AGAP3: variants seen among roughly 807,000 people sequenced by gnomAD.
The protein encoded by AGAP3 is arf-GAP with GTPase, ANK repeat and PH domain-containing protein 3.
Under a neutral mutation model 96.9 loss-of-function variants are expected in AGAP3, and 24 were observed. The ratio of observed to expected loss-of-function variants is 0.25; its 90% CI spans 0.18 to 0.35. The LOEUF (loss-of-function observed/expected upper bound fraction) is 0.35, where lower values mean the gene tolerates loss of function less well. AGAP3 is among the 10% of genes least tolerant of loss of function. The pLI is 1.00. For synonymous variants in AGAP3, 563 were observed against 536.1 expected, an observed-to-expected ratio of 1.05 and a Z score of -0.69; for missense variants, 876 against 1,254.2, an observed-to-expected ratio of 0.70 and a Z score of 4.55.
intron 10 of AGAP3, among the ~76,000 whole-genome samples, chr7:151,129,286 G>A (rs1054993026): frequency 2.0e-5 from 3 of 152,012 alleles, no homozygotes; most frequent in Non-Finnish European, 2.9e-5. Flanking sequence ...CCACCCCACT[G>A]TGGGGCTAAT....
intron 1 of AGAP3, among the ~76,000 whole-genome samples, chr7:151,102,040 C>G (rs1461465745): frequency 3.9e-5 from 6 of 152,164 alleles, no homozygotes; most frequent in Admixed American, 2.0e-4. Flanking sequence ...TGACAGCCTG[C>G]TTAGGCTGGG....
At chr7:151,101,087 C>G (rs1387374510) in intron 1 of AGAP3, among the ~76,000 whole-genome samples, 1 of 152,218 alleles carries the variant, frequency 6.6e-6, no homozygotes, top group Non-Finnish European at 1.5e-5. Context: ...CCGCATCACT[C>G]ACCACCTCCC....
intron 1 of AGAP3, among the ~76,000 whole-genome samples, chr7:151,094,660 A>G (rs1798527858): frequency 6.6e-6 from 1 of 152,000 alleles, no homozygotes; most frequent in Non-Finnish European, 1.5e-5. Context: ...TATTCATTTT[A>G]CTTTTGGTTT....
rs184972997 is a variant in AGAP3 at position 151,103,953 on chromosome 7, G to A, written c.332-12840G>A. ...CTTTGAACTGAACTGTGATCTGGAA[G>A]CTCAGCGGGAACACCCGGTTCCTCC... On this transcript the variant is annotated intron_variant, in intron 1 of 17. Transcript: ENST00000397238. Among the ~76,000 whole-genome samples the A allele has an allele frequency of 2.0e-3, 297 of 152,306 alleles. 2 individuals are homozygous for A. Among genetic ancestry groups the A allele is most frequent in the Admixed American group, 4.8e-3 (73 of 15,300 alleles).
rs1232888164 is a variant in AGAP3, at chr7:151,143,026, C to T, written c.2274-315C>T. On this transcript the variant is annotated intron_variant, in intron 16 of 17. Transcript: ENST00000397238. This position sits in a 1 kb window ranked among gnomAD's most constrained non-coding sequence, Gnocchi z 5.9. ...GCCAATCCAAGAGAGTTCAGACGGC[C>T]AGATAAGCTGCAACACGGGCCTGCC... 6.6e-6 allele frequency among the ~76,000 whole-genome samples: 1 copy of T among 152,150 alleles called. No individual in the cohort carries two copies.
chr7:151,128,111 C>G (rs1439870451), intron 9 of AGAP3, among the ~76,000 whole-genome samples: 1 of 152,140 alleles, frequency 6.6e-6, no homozygotes, highest in Non-Finnish European at 1.5e-5. Context: ...GGAGCTACCA[C>G]AGGGGGTGGA....
At chr7:151,103,133 C>T (rs1798900867) in intron 1 of AGAP3, among the ~76,000 whole-genome samples, 1 of 152,252 alleles carries the variant, frequency 6.6e-6, no homozygotes, top group African/African-American at 2.4e-5. Context: ...CTTACGTGCC[C>T]TTCTCGTATT....
chr7:151,086,862 C>G lies in AGAP3; in HGVS notation c.121C>G (p.Pro41Ala). ...VCGGQFGGAG[P>A]GAGGGGGPSQ... Reference sequence around the variant, plus strand: ...CGGCGGGCAGTTCGGCGGCGCGGGGCCCGGGGCCGGGGGCGGCGGCGGCCC... The same window carrying G: ...CGGCGGGCAGTTCGGCGGCGCGGGGGCCGGGGCCGGGGGCGGCGGCGGCCC... The change falls in exon 1 of 18, where the codon CCC (proline) becomes GCC (alanine). Residue 41 changes from proline (P) to alanine (A), a missense_variant. By Grantham distance (27) the Pro-to-Ala change is conservative. Transcript: ENST00000397238. The G allele has an allele frequency of 1.8e-6, 2 of 1,094,086 alleles. No individual in the cohort carries two copies. Among genetic ancestry groups the G allele is most frequent in the Non-Finnish European group, 2.2e-6 (2 of 901,348 alleles). 67.8% of individuals were successfully genotyped at this position (1,094,086 alleles called of 1,614,324 possible). A position where few individuals can be genotyped will look rare whatever the true frequency, so the allele number is the denominator to read the frequency against.
intron 8 of AGAP3, chr7:151,123,013 G>A (rs1799984765): frequency 2.9e-6 from 4 of 1,389,884 alleles, no homozygotes; most frequent in Admixed American, 3.3e-5. Flanking sequence ...CTGCAGGCTC[G>A]CTGCATGGAG....
rs1729066143 is a variant in AGAP3, at chr7:151,140,038, C to A, written c.1726C>A (p.His576Asn). 3 of 1,606,494 alleles carry A rather than the reference C, an allele frequency of 1.9e-6. No individual in the cohort carries two copies. The highest frequency in any genetic ancestry group is 8.5e-7 in the Non-Finnish European group (1 of 1,176,920). The change falls in exon 13 of 18, where the codon CAC becomes AAC. Residue 576 changes from histidine (H) to asparagine (N), a missense_variant. Coordinates refer to ENST00000397238, the MANE Select transcript of AGAP3 (RefSeq NM_031946.7). This position sits in a 1 kb window ranked among gnomAD's most constrained non-coding sequence, Gnocchi z 5.4. ...CAAGCTGGATCCTCCCCCATCTCCC[C>A]ACTCCAACCGGAAGAAGCACCGGAG... Reference protein sequence around the residue: ...SPKLDPPPSPHSNRKKHRRKK... With the variant: ...SPKLDPPPSPNSNRKKHRRKK...
chr7:151,141,428 AC>A lies in AGAP3; in HGVS notation c.1805-469del, dbSNP rs1800807573. On this transcript the variant is annotated intron_variant, in intron 13 of 17. Coordinates refer to ENST00000397238, the MANE Select transcript of AGAP3 (RefSeq NM_031946.7). The surrounding 1 kb of genome is among the most constrained non-coding windows in gnomAD (Gnocchi z 4.2). The stretch of plus-strand genomic sequence containing the variant: ...CCCAGCTCCCAGGAGCCCCACGCTG[AC>A]GCCGTCAGGAATATTGGGTTTAATG... 1.2e-5 allele frequency: 2 copies of A among 169,742 alleles called. No homozygotes were observed. Among genetic ancestry groups the A allele is most frequent in the African/African-American group, 4.8e-5 (2 of 41,756 alleles). 10.5% of individuals were successfully genotyped at this position (169,742 alleles called of 1,614,324 possible).
chr7:151,128,374 A>G, intron 9 of AGAP3: 1 of 548,522 alleles, frequency 1.8e-6, no homozygotes, highest in Non-Finnish European at 3.3e-6. Context: ...TTCCTGATGG[A>G]TGATGGGGGA....
Position 151,141,671 on chromosome 7 carries a change from C to G in AGAP3, c.1805-227C>G, listed in dbSNP as rs1269853791. On this transcript the variant is annotated intron_variant, in intron 13 of 17. Transcript: ENST00000397238. The surrounding 1 kb of genome is among the most constrained non-coding windows in gnomAD (Gnocchi z 4.2). ...CATCCCCCATCTGTTTTCACTTAAGCTCCACAGGTGGTTAGGAATGAGAAC... is the reference window on the plus strand; with the variant it reads ...CATCCCCCATCTGTTTTCACTTAAGGTCCACAGGTGGTTAGGAATGAGAAC... 1.7e-6 allele frequency: 1 copy of G among 572,228 alleles called. No homozygotes were observed. Among genetic ancestry groups the G allele is most frequent in the African/African-American group, 1.9e-5 (1 of 53,522 alleles). 35.4% of individuals were successfully genotyped at this position (572,228 alleles called of 1,614,324 possible). A position where few individuals can be genotyped will look rare whatever the true frequency, so the allele number is the denominator to read the frequency against.
chr7:151,138,973 TTC>T (rs1295647163), intron 12 of AGAP3, among the ~76,000 whole-genome samples: 2 of 152,208 alleles, frequency 1.3e-5, no homozygotes, highest in Non-Finnish European at 2.9e-5. Flanking sequence ...TGCCCCTTTG[TTC>T]TCTTTCTCTC....
chr7:151,133,542 C>G lies in AGAP3; in HGVS notation c.1327-858C>G, dbSNP rs1244107245. On this transcript the variant is annotated intron_variant, in intron 10 of 17. Coordinates refer to ENST00000397238, the MANE Select transcript of AGAP3 (RefSeq NM_031946.7). The surrounding 1 kb of genome is among the most constrained non-coding windows in gnomAD (Gnocchi z 5.4). ...CTTGAAAGCAGGGTGAGTCCCGGGC[C>G]CAGGACAGGCTGGAGGAAGCCTGCA... Among the ~76,000 whole-genome samples, 2 of 152,100 alleles carry G rather than the reference C, an allele frequency of 1.3e-5. No homozygotes were observed. Among genetic ancestry groups the G allele is most frequent in the Non-Finnish European group, 2.9e-5 (2 of 68,032 alleles).
chr7:151,142,130 G>T lies in AGAP3; in HGVS notation c.1960-33G>T. 1 of 1,611,382 alleles carries T rather than the reference G, an allele frequency of 6.2e-7. No individual in the cohort carries two copies. The highest frequency in any genetic ancestry group is 1.1e-5 in the South Asian group (1 of 90,786). ...AAAGGGGCCTCATGACTGACCAACCGCCCCTTGTCTTGTCTCTCCTGCTGT... is the reference window on the plus strand; with the variant it reads ...AAAGGGGCCTCATGACTGACCAACCTCCCCTTGTCTTGTCTCTCCTGCTGT... On this transcript the variant is annotated intron_variant, in intron 14 of 17. Coordinates refer to ENST00000397238, the MANE Select transcript of AGAP3 (RefSeq NM_031946.7). This position sits in a 1 kb window ranked among gnomAD's most constrained non-coding sequence, Gnocchi z 7.5.
At chr7:151,127,989 C>G (rs1025470432) in intron 9 of AGAP3, among the ~76,000 whole-genome samples, 8 of 152,346 alleles carry the variant, frequency 5.3e-5, no homozygotes, top group African/African-American at 1.9e-4. Context: ...GCGAGTCTCA[C>G]TGGCTTACGC....
chr7:151,111,591 C>A (rs899885964), intron 1 of AGAP3, among the ~76,000 whole-genome samples: 3 of 152,108 alleles, frequency 2.0e-5, no homozygotes, highest in South Asian at 2.1e-4. Flanking sequence ...CCCTCACCCC[C>A]CTGTGCACAC....
At chr7:151,111,032 C>T (rs981774782) in intron 1 of AGAP3, among the ~76,000 whole-genome samples, 10 of 152,236 alleles carry the variant, frequency 6.6e-5, no homozygotes, top group Non-Finnish European at 1.3e-4. Flanking sequence ...GCTCTCCCCC[C>T]GCCCCCCGTC....
Sources: allele counts gnomAD v4.1 joint callset (sites outside exome capture counted in the v4.1 genomes callset), GRCh38; gene constraint gnomAD v4.1.1; non-coding constraint Gnocchi (gnomAD v3.1); transcripts MANE v1.5; gene names NCBI Gene and HGNC (gene_info 2026-07-23, HGNC 2026-07-21).